Variants in PCDHGB6 observed in about 807,000 individuals in gnomAD.
PCDHGB6 encodes protocadherin gamma-B6.
Under a neutral mutation model 59.1 loss-of-function variants are expected in PCDHGB6, and 51 were observed. The ratio of observed to expected loss-of-function variants is 0.86; its 90% CI spans 0.69 to 1.09. PCDHGB6 has a LOEUF of 1.09. Ranked by LOEUF, PCDHGB6 falls within the 50% of genes least tolerant of loss-of-function variation. The pLI is 0.00. For missense variants in PCDHGB6, 1,148 were observed against 1,205.1 expected (o/e 0.95, Z 0.70); for synonymous variants, 466 against 495.1 (o/e 0.94, Z 0.78).
chr5:141,441,737 C>T lies in PCDHGB6; in HGVS notation c.2418+31117C>T, dbSNP rs2098268916. 5 of 365,122 alleles carry T rather than the reference C, an allele frequency of 1.4e-5. 1 individual carries two copies. The highest frequency in any genetic ancestry group is 1.1e-4 in the South Asian group (5 of 46,286). 22.6% of individuals were successfully genotyped at this position (365,122 alleles called of 1,614,324 possible). ...TGCAGGCCCGCGACCAGGACTAGCT[C>T]GCGCTCGGCGTCAACGTGAGCCTGC... On this transcript the variant is annotated intron_variant, in intron 1 of 3. Transcript: ENST00000520790.
chr5:141,479,574 T>A (rs1291334449), intron 1 of PCDHGB6: 1 of 152,228 alleles, frequency 6.6e-6, no homozygotes, highest in South Asian at 2.1e-4. Context: ...GGATGACATC[T>A]GTGAATAGCC....
At chr5:141,414,457 G>C in intron 1 of PCDHGB6, 2 of 1,613,872 alleles carry the variant, frequency 1.2e-6, no homozygotes, top group Non-Finnish European at 1.7e-6. Flanking sequence ...CACAGTGACA[G>C]CCACAGATGG....
chr5:141,413,891 C>G, intron 1 of PCDHGB6: 1 of 1,613,382 alleles, frequency 6.2e-7, no homozygotes, highest in East Asian at 2.2e-5. Flanking sequence ...GTCTTCGATG[C>G]AAATGACAAC....
chr5:141,430,383 GAAA>G (rs139772145), intron 1 of PCDHGB6, among the ~76,000 whole-genome samples: 9 of 138,566 alleles, frequency 6.5e-5, no homozygotes, highest in African/African-American at 2.4e-4. Context: ...AGCTCATTGG[GAAA>G]AAAAAAAAAA....
intron 2 of PCDHGB6, among the ~76,000 whole-genome samples, chr5:141,499,689 CTTTTTT>C (rs545067566): frequency 3.3e-5 from 4 of 119,854 alleles, no homozygotes; most frequent in Admixed American, 8.7e-5. Flanking sequence ...TAACAGATGA[CTTTTTT>C]TTTTTTTTTT....
At chr5:141,438,305 G>T (rs1287488865) in intron 1 of PCDHGB6, among the ~76,000 whole-genome samples, 2 of 151,822 alleles carry the variant, frequency 1.3e-5, no homozygotes, top group East Asian at 1.9e-4. Context: ...AAAGAAGTTG[G>T]TACCACCATA....
intron 1 of PCDHGB6, chr5:141,414,886 C>T (rs374779316): frequency 1.4e-5 from 22 of 1,614,120 alleles, no homozygotes; most frequent in African/African-American, 2.7e-5. Context: ...GTACCCCGCC[C>T]TCCCCACAGA....
Position 141,431,547 on chromosome 5 carries a change from T to C in PCDHGB6, c.2418+20927T>C. On this transcript the variant is annotated intron_variant, in intron 1 of 3. Transcript: ENST00000520790. The surrounding 1 kb of genome is among the most constrained non-coding windows in gnomAD (Gnocchi z 4.8). ...CTGGCCTTGGGCACGCAGCTGCTTG[T>C]AGTCAACGCTACCGACCCTGACGAA... The C allele has an allele frequency of 1.2e-6, 2 of 1,614,096 alleles. No homozygotes were observed. The highest frequency in any genetic ancestry group is 2.2e-5 in the East Asian group (1 of 44,882).
intron 1 of PCDHGB6, among the ~76,000 whole-genome samples, chr5:141,456,381 G>T (rs1296419395): frequency 6.6e-6 from 1 of 152,110 alleles, no homozygotes; most frequent in Admixed American, 6.6e-5. Context: ...TTACAGCACC[G>T]TTTGGAGTTT....
rs1485764871 is a variant in PCDHGB6, at chr5:141,486,709, C to A, written c.2419-8098C>A. On this transcript the variant is annotated intron_variant, in intron 1 of 3. Coordinates refer to ENST00000520790, the MANE Select transcript of PCDHGB6 (RefSeq NM_018926.3). The surrounding 1 kb of genome is among the most constrained non-coding windows in gnomAD (Gnocchi z 5.0). ...CTTCCTCTTTCATCTCTCTGAACCC[C>A]CAGACAGGAGCTGTTCATGCTACTC... 6.2e-7 allele frequency: 1 copy of A among 1,614,182 alleles called. No homozygotes were observed. Among genetic ancestry groups the A allele is most frequent in the Admixed American group, 1.7e-5 (1 of 60,022 alleles).
chr5:141,478,612 G>A (rs1311028260), intron 1 of PCDHGB6: 2 of 1,558,218 alleles, frequency 1.3e-6, no homozygotes, highest in African/African-American at 1.4e-5. Flanking sequence ...TATTGAGGAA[G>A]GAATGGAGCT....
In PCDHGB6 at chr5:141,433,028, G is replaced by T. The variant is rs539293579; in HGVS notation, c.2418+22408G>T. 27 of 1,614,116 alleles carry T rather than the reference G, an allele frequency of 1.7e-5. No individual in the cohort carries two copies. The highest frequency in any genetic ancestry group is 6.7e-5 in the Admixed American group (4 of 60,018). On this transcript the variant is annotated intron_variant, in intron 1 of 3. Coordinates refer to ENST00000520790, the MANE Select transcript of PCDHGB6 (RefSeq NM_018926.3). ...TTTCCTGCAGACCTATTCCCACGAG[G>T]TTTCCCTCACCACGGACTCGCGGAA...
intron 1 of PCDHGB6, 91 bp from the exon 2 acceptor site, chr5:141,494,716 C>T (rs1448674271): frequency 3.7e-6 from 6 of 1,604,970 alleles, no homozygotes; most frequent in East Asian, 4.5e-5. Flanking sequence ...TGCCCACTCC[C>T]CTCCTTCTCT....
At chr5:141,424,526 T>C (rs1020206614) in intron 1 of PCDHGB6, 2 of 152,216 alleles carry the variant, frequency 1.3e-5, no homozygotes, top group Non-Finnish European at 2.9e-5. Context: ...AGTAAATCCA[T>C]ATATAGAAAT....
At chr5:141,427,480 A>G in intron 1 of PCDHGB6, 1 of 531,758 alleles carries the variant, frequency 1.9e-6, no homozygotes, top group South Asian at 1.5e-5. Context: ...GCCAATAATG[A>G]CTATAAGCTT....
In PCDHGB6 at chr5:141,410,619, C is replaced by T. The variant is rs757187051; in HGVS notation, c.2417C>T (p.Ser806Leu). The T allele has an allele frequency of 5.0e-6, 8 of 1,603,614 alleles. No individual in the cohort carries two copies. The highest frequency in any genetic ancestry group is 3.3e-5 in the Admixed American group (2 of 59,764). ...DLTSHPETLTSQAPPNTDWRF... is the reference protein window; with the variant it reads ...DLTSHPETLTLQAPPNTDWRF... ...ACTTCACATCCTGAGACTCTGACTT[C>T]GGTGAGTTTCTCTTTTTTGTGTGTG... The change falls in exon 1 of 4, where the codon TCG becomes TTG. Residue 806 changes from serine to leucine, a missense_variant and splice_region_variant. Coordinates refer to ENST00000520790, the MANE Select transcript of PCDHGB6 (RefSeq NM_018926.3).
chr5:141,482,981 AGG>A (rs2099575420), intron 1 of PCDHGB6, among the ~76,000 whole-genome samples: 1 of 150,250 alleles, frequency 6.7e-6, no homozygotes, highest in African/African-American at 2.5e-5. Context: ...GCTACTTGAG[AGG>A]TCGAGGCAGG....
In PCDHGB6 at chr5:141,417,886, C is replaced by G. The variant is rs1330007520; in HGVS notation, c.2418+7266C>G. Reference sequence around the variant, plus strand: ...TGGGAGGGAGCTGCGCGCAGAGGCGCCGGGCCGGCCCGCGGCAGGTACTAT... The same window carrying G: ...TGGGAGGGAGCTGCGCGCAGAGGCGGCGGGCCGGCCCGCGGCAGGTACTAT... On this transcript the variant is annotated intron_variant, in intron 1 of 3. Transcript: ENST00000520790. The G allele has an allele frequency of 9.0e-6, 14 of 1,563,624 alleles. No individual in the cohort carries two copies. The African/African-American group carries it at 1.9e-4, about 21-fold the overall frequency.
chr5:141,436,590 C>T (rs1050788291), intron 1 of PCDHGB6, among the ~76,000 whole-genome samples: 10 of 152,102 alleles, frequency 6.6e-5, no homozygotes, highest in East Asian at 1.9e-4. Context: ...TTTGAAAGGT[C>T]GTGGTGATGG....
Sources: gnomAD v4.1 joint callset for allele counts (sites outside exome capture counted in the v4.1 genomes callset) on GRCh38, gnomAD v4.1.1 for gene constraint, Gnocchi (gnomAD v3.1) non-coding constraint, MANE v1.5 for transcripts, NCBI Gene and HGNC (gene_info 2026-07-23, HGNC 2026-07-21) for gene names.